The following GOLGB1 variants were observed in gnomAD, a reference collection of about 807,000 sequenced individuals.
GOLGB1 encodes golgin subfamily B member 1.
Under a neutral mutation model 336.9 loss-of-function variants are expected in GOLGB1, and 174 were observed. The ratio of observed to expected loss-of-function variants is 0.52; its 90% CI spans 0.46 to 0.59. GOLGB1 has a LOEUF of 0.59. GOLGB1 is among the 20% of genes least tolerant of loss of function. The pLI is 0.00. For missense variants in GOLGB1, 3,331 were observed against 3,645.3 expected, an observed-to-expected ratio of 0.91 and a Z score of 2.22; for synonymous variants, 1,208 against 1,289.2, an observed-to-expected ratio of 0.94 and a Z score of 1.35.
rs1477535310 is a variant in GOLGB1, at chr3:121,698,043, A to G, written c.2480T>C (p.Val827Ala). The change falls in exon 13 of 22, where the codon GTG becomes GCG. Residue 827 changes from valine to alanine, a missense_variant. By Grantham distance (64) the Val-to-Ala change is moderately conservative. Coordinates refer to ENST00000614479, the MANE Select transcript of GOLGB1 (RefSeq NM_001366282.2). ...ACTCTGCTCAGAAAACTGAAGCTGC[A>G]CATCATCCAGTTCATTCTGTAAAAC... ...IEVLQNELDD[V>A]QLQFSEQSTL... 1 of 1,613,988 alleles carries G rather than the reference A, an allele frequency of 6.2e-7. No homozygotes were observed. The highest frequency in any genetic ancestry group is 8.5e-7 in the Non-Finnish European group (1 of 1,179,958).
rs116747796 is a variant in GOLGB1, at chr3:121,723,431, G to A, written c.532-1053C>T. 3.6e-3 allele frequency among the ~76,000 whole-genome samples: 543 copies of A among 152,246 alleles called. 4 individuals are homozygous for A. The highest frequency in any genetic ancestry group is 7.8e-3 in the Admixed American group (120 of 15,304). The stretch of plus-strand genomic sequence containing the variant: ...AATGCAGACAGCATTAGTAACAGTT[G>A]ATACCAATTTAATCATAACTAATAA... On this transcript the variant is annotated intron_variant, in intron 5 of 21. Transcript: ENST00000614479.
At chr3:121,727,304 ATATATATATATATATATTTTTT>A (rs1486512279) in intron 4 of GOLGB1, among the ~76,000 whole-genome samples, 2 of 26,752 alleles carry the variant, frequency 7.5e-5, no homozygotes, top group Admixed American at 4.2e-4. Flanking sequence ...ATATATATAT[ATATATATATATATATATTTTTT>A]TTTTTTTTTT....
At chr3:121,680,830 C>T (rs1940988053) in intron 15 of GOLGB1, among the ~76,000 whole-genome samples, 1 of 152,002 alleles carries the variant, frequency 6.6e-6, no homozygotes, top group Admixed American at 6.5e-5. Flanking sequence ...AGAAAACGGA[C>T]AAAAGACATG....
intron 14 of GOLGB1, among the ~76,000 whole-genome samples, chr3:121,682,974 T>C (rs1941249799): frequency 6.7e-6 from 1 of 149,604 alleles, no homozygotes; most frequent in African/African-American, 2.5e-5. Flanking sequence ...CTGGAAAAGA[T>C]GGTGATGGGG....
chr3:121,694,920 C>A lies in GOLGB1; in HGVS notation c.5603G>T (p.Ser1868Ile), dbSNP rs992116233. 6.2e-6 allele frequency: 10 copies of A among 1,613,820 alleles called. No homozygotes were observed. In the Admixed American group the frequency reaches 1.5e-4, roughly 24 times the overall value. ...ATTTTTCTCATTTTCTAAAGTCTGG[C>A]TAAATTCCTTGTTTTTCTGCTTCTC... Reference protein sequence around the residue: ...EEEKQKNKEFSQTLENEKNTL... With the variant: ...EEEKQKNKEFIQTLENEKNTL... Residue 1868 changes from serine (S) to isoleucine (I), a missense_variant, in exon 13 of 22, where the codon AGC becomes ATC. By Grantham distance (142) the Ser-to-Ile change is moderately radical. Coordinates refer to ENST00000614479, the MANE Select transcript of GOLGB1 (RefSeq NM_001366282.2).
At chr3:121,718,322 T>C in intron 8 of GOLGB1, 66 bp downstream of exon 8, 1 of 978,424 alleles carries the variant, frequency 1.0e-6, no homozygotes, top group South Asian at 1.4e-5. Context: ...TTATATCTAC[T>C]GCCTGGCAAA....
intron 14 of GOLGB1, 81 bp from the exon 15 acceptor site, chr3:121,681,946 G>A: frequency 1.1e-6 from 1 of 885,418 alleles, no homozygotes; most frequent in East Asian, 2.4e-5. Flanking sequence ...TCCCTACTAA[G>A]TAGTCAGACA....
At position 121,694,337 on chromosome 3, in the gene GOLGB1, T is replaced by C; in HGVS notation, c.6186A>G (p.Glu2062=). 6.2e-7 allele frequency: 1 copy of C among 1,612,194 alleles called. No homozygotes were observed. Among genetic ancestry groups the C allele is most frequent in the Non-Finnish European group, 8.5e-7 (1 of 1,179,798 alleles). The change falls in exon 13 of 22, where the codon GAA becomes GAG. Residue 2062 remains glutamate (E), a synonymous_variant. Coordinates refer to ENST00000614479, the MANE Select transcript of GOLGB1 (RefSeq NM_001366282.2). ...FVQTESQKDL[E]ITKENLAQAV... is the part of the protein sequence containing the mutation. ...CTTGAGCCAGATTTTCTTTGGTTAT[T>C]TCCAAATCTTTTTGAGATTCAGTTT...
intron 8 of GOLGB1, among the ~76,000 whole-genome samples, chr3:121,718,144 G>C (rs1196960090): frequency 1.3e-5 from 2 of 152,016 alleles, no homozygotes; most frequent in Non-Finnish European, 2.9e-5. Flanking sequence ...GATCTAAAAT[G>C]GCAAAGGGAA....
At position 121,691,280 on chromosome 3, in the gene GOLGB1, T is replaced by A; in HGVS notation, c.8084A>T (p.Asp2695Val). The change falls in exon 14 of 22, where the codon GAT (aspartate) becomes GTT (valine). Residue 2695 changes from aspartate (D) to valine (V), a missense_variant. Physicochemically the swap from Asp to Val is radical, Grantham distance 152. Coordinates refer to ENST00000614479, the MANE Select transcript of GOLGB1 (RefSeq NM_001366282.2). Reference protein sequence around the residue: ...LKKELKHLHHDAGIMRNETET... With the variant: ...LKKELKHLHHVAGIMRNETET... The stretch of plus-strand genomic sequence containing the variant: ...AGTTTCATTTCTCATTATCCCTGCA[T>A]CATGATGAAGATGCTTTAATTCTTT... 1 of 1,613,876 alleles carries A rather than the reference T, an allele frequency of 6.2e-7. No individual in the cohort carries two copies. Among genetic ancestry groups the A allele is most frequent in the Non-Finnish European group, 8.5e-7 (1 of 1,179,960 alleles).
In GOLGB1 at chr3:121,692,272, C is replaced by T. The variant is rs1421615276; in HGVS notation, c.7092G>A (p.Leu2364=). The change falls in exon 14 of 22, where the codon CTG becomes CTA. Residue 2364 remains leucine, a synonymous_variant. Transcript: ENST00000614479. Reference sequence around the variant, plus strand: ...CTCTGGAGGCCTGAAGATCAGTCTCCAGTTGTTCATAACTGAACTTAGAAT... The same window carrying T: ...CTCTGGAGGCCTGAAGATCAGTCTCTAGTTGTTCATAACTGAACTTAGAAT... ...IQNSKFSYEQ[L]ETDLQASREL... 2 of 1,610,512 alleles carry T rather than the reference C, an allele frequency of 1.2e-6. No homozygotes were observed. The highest frequency in any genetic ancestry group is 2.2e-5 in the East Asian group (1 of 44,874).
intron 4 of GOLGB1, among the ~76,000 whole-genome samples, chr3:121,727,424 C>A (rs1225651752): frequency 2.8e-5 from 4 of 140,398 alleles, no homozygotes; most frequent in Non-Finnish European, 6.0e-5. Flanking sequence ...GGAGAGCAAC[C>A]AAAAGCAGGA....
At chr3:121,673,881 TG>T (rs1435189103) in intron 17 of GOLGB1, among the ~76,000 whole-genome samples, 1 of 152,068 alleles carries the variant, frequency 6.6e-6, no homozygotes, top group East Asian at 1.9e-4. Context: ...CCACCATGGC[TG>T]GCTAATTTTT....
intron 1 of GOLGB1, among the ~76,000 whole-genome samples, chr3:121,747,269 GTATATA>G (rs1947381084): frequency 1.6e-5 from 2 of 124,340 alleles, no homozygotes; most frequent in African/African-American, 6.3e-5. Flanking sequence ...ATATATATAT[GTATATA>G]TGTATATATG....
chr3:121,740,521 A>G (rs566346252), intron 1 of GOLGB1, among the ~76,000 whole-genome samples: 36 of 152,328 alleles, frequency 2.4e-4, no homozygotes, highest in Middle Eastern at 3.4e-3. Context: ...TAATGTACCA[A>G]TGTTGGTTTC....
rs762960423 is a variant in GOLGB1 at position 121,676,892 on chromosome 3, C to T, written c.9177+1G>A. On this transcript the variant is annotated splice_donor_variant, in intron 17 of 21. Transcript: ENST00000614479. LOFTEE classifies it high-confidence loss of function. ...ATTCCAGTCTAACAAGAAACACTTA[C>T]GTTGCTGTTCAGTTGCTGAATTCTT... is the stretch of plus-strand genomic sequence containing the variant. 34 of 1,613,196 alleles carry T rather than the reference C, an allele frequency of 2.1e-5. No individual in the cohort carries two copies. The highest frequency in any genetic ancestry group is 4.0e-5 in the African/African-American group (3 of 74,992).
chr3:121,686,629 G>A (rs1941758194), intron 14 of GOLGB1, among the ~76,000 whole-genome samples: 1 of 149,850 alleles, frequency 6.7e-6, no homozygotes, highest in African/African-American at 2.5e-5. Flanking sequence ...AATCTAATTG[G>A]GGAAATAAAA....
At chr3:121,718,631 A>G (rs1553879356) in intron 7 of GOLGB1, 130 bp from the exon 8 acceptor site, 4 of 654,666 alleles carry the variant, frequency 6.1e-6, no homozygotes, top group South Asian at 5.7e-5. Flanking sequence ...AAAGAGTGGG[A>G]GACCAGCATG....
intron 1 of GOLGB1, among the ~76,000 whole-genome samples, chr3:121,740,490 C>T (rs1170390026): frequency 1.3e-5 from 2 of 152,116 alleles, no homozygotes; most frequent in African/African-American, 4.8e-5. Context: ...ATGTGAACAA[C>T]GTCTGGAGTT....
Sources: gnomAD v4.1 joint callset for allele counts (sites outside exome capture counted in the v4.1 genomes callset) on GRCh38, gnomAD v4.1.1 for gene constraint, MANE v1.5 for transcripts, NCBI Gene and HGNC (gene_info 2026-07-23, HGNC 2026-07-21) for gene names.